Variants in NCK2 observed in about 807,000 individuals in gnomAD.
NCK2 encodes NCK adaptor protein 2.
A neutral mutation model predicts 33.9 loss-of-function variants in NCK2; 16 were observed. The observed-to-expected ratio is 0.47, with a 90% CI of 0.32 to 0.72. The LOEUF (loss-of-function observed/expected upper bound fraction) is 0.72, where lower values mean the gene tolerates loss of function less well. NCK2 is among the 30% of genes least tolerant of loss of function. The pLI is 0.03. For synonymous variants in NCK2, 273 were observed against 239.9 expected (o/e 1.14, Z -1.27); for missense variants, 418 against 537.3 (o/e 0.78, Z 2.19).
chr2:105,798,503 G>GACTAA (rs1325978830), intron 1 of NCK2, among the ~76,000 whole-genome samples: 2 of 152,200 alleles, frequency 1.3e-5, no homozygotes, highest in African/African-American at 4.8e-5. Flanking sequence ...GTCTGGTTTA[G>GACTAA]AGAGAAGAAA....
intron 2 of NCK2, among the ~76,000 whole-genome samples, chr2:105,849,431 G>T (rs1676976593): frequency 6.6e-6 from 1 of 152,340 alleles, no homozygotes; most frequent in Middle Eastern, 3.4e-3. Context: ...GGTCTTCTCT[G>T]TGGCGGGATA....
chr2:105,861,487 G>A (rs1677528548), intron 3 of NCK2, among the ~76,000 whole-genome samples: 1 of 151,378 alleles, frequency 6.6e-6, no homozygotes, highest in African/African-American at 2.4e-5. Context: ...AGTGATAGTG[G>A]CTATTGGTGC....
At chr2:105,793,455 G>C (rs554324481) in intron 1 of NCK2, among the ~76,000 whole-genome samples, 2 of 152,284 alleles carry the variant, frequency 1.3e-5, no homozygotes, top group South Asian at 2.1e-4. Flanking sequence ...TTCTGACCTC[G>C]GGCATCCTGT....
chr2:105,817,176 A>AAC (rs2104485007), intron 2 of NCK2, among the ~76,000 whole-genome samples: 1 of 896 alleles, frequency 1.1e-3, no homozygotes, highest in Admixed American at 0.031. Context: ...ACTTGGTCTC[A>AAC]AAAAAAAAAA....
In NCK2 at chr2:105,890,015, C is replaced by T. The variant is rs139383081; in HGVS notation, c.949-2967C>T. 7.0e-4 allele frequency among the ~76,000 whole-genome samples: 107 copies of T among 152,260 alleles called. 1 individual carries two copies. In the Middle Eastern group the frequency reaches 0.02, roughly 29 times the overall value. ...AGAGGTGTTCAGTGGTCATATGTAA[C>T]GGTGTATGTTAGTATACAGATTGTT... On this transcript the variant is annotated intron_variant, in intron 4 of 4. Transcript: ENST00000233154.
chr2:105,835,402 T>TATATATATAC (rs1278239028), intron 2 of NCK2, among the ~76,000 whole-genome samples: 13 of 73,094 alleles, frequency 1.8e-4, no homozygotes, highest in Non-Finnish European at 3.6e-4. Context: ...TATATATATA[T>TATATATATAC]ATACGTGTAT....
chr2:105,817,242 C>T (rs887759111), intron 2 of NCK2, among the ~76,000 whole-genome samples: 1 of 151,468 alleles, frequency 6.6e-6, no homozygotes, highest in African/African-American at 2.4e-5. Flanking sequence ...AAGGTTTTAC[C>T]TGTTCATATG....
Position 105,787,064 on chromosome 2 carries a change from G to C in NCK2, c.-200-29366G>C, listed in dbSNP as rs1255848891. Reference sequence around the variant, plus strand: ...TTCTGCCCTTTGCTGCGACTCCTCTGCTGTCTTGCTCTGCCCGCTGCAGGC... The same window carrying C: ...TTCTGCCCTTTGCTGCGACTCCTCTCCTGTCTTGCTCTGCCCGCTGCAGGC... On this transcript the variant is annotated intron_variant, in intron 1 of 4. Coordinates refer to ENST00000233154, the MANE Select transcript of NCK2 (RefSeq NM_003581.5). Among the ~76,000 whole-genome samples the C allele has an allele frequency of 2.0e-5, 3 of 152,226 alleles. No homozygotes were observed. The East Asian group carries it at 5.8e-4, about 29-fold the overall frequency.
chr2:105,849,715 A>C (rs755987478), intron 2 of NCK2, among the ~76,000 whole-genome samples: 5 of 152,144 alleles, frequency 3.3e-5, no homozygotes, highest in Non-Finnish European at 5.9e-5. Context: ...ACTGGCTTGA[A>C]TCACAGAAGA....
At chr2:105,780,018 C>A (rs1018911166) in intron 1 of NCK2, among the ~76,000 whole-genome samples, 2 of 152,168 alleles carry the variant, frequency 1.3e-5, no homozygotes, top group African/African-American at 4.8e-5. Context: ...CAATTCTACT[C>A]TTTTCATAAA....
At chr2:105,871,113 T>G (rs1573230209) in intron 3 of NCK2, among the ~76,000 whole-genome samples, 1 of 151,488 alleles carries the variant, frequency 6.6e-6, no homozygotes, top group Admixed American at 6.6e-5. Context: ...GAAATCGGGG[T>G]GATGAGACAG....
Position 105,891,582 on chromosome 2 carries a change from CTT to C in NCK2, c.949-1399_949-1398del, listed in dbSNP as rs1272780926. Among the ~76,000 whole-genome samples, 2 of 78,056 alleles carry C rather than the reference CTT, an allele frequency of 2.6e-5. 1 individual carries two copies. Among genetic ancestry groups the C allele is most frequent in the Admixed American group, 4.2e-4 (2 of 4,812 alleles). The allele number at this position is 78,056 out of a possible 152,430, so 51.2% of individuals were successfully genotyped here. Reference sequence around the variant, plus strand: ...TTTTTTTTTTTTGAGATTTTTCGCTCTTGTTGCCCAGACCAGAGTGCAGTGGC... The same window carrying C: ...TTTTTTTTTTTTGAGATTTTTCGCTCGTTGCCCAGACCAGAGTGCAGTGGC... On this transcript the variant is annotated intron_variant, in intron 4 of 4. Transcript: ENST00000233154.
rs569250884 is a variant in NCK2 at position 105,881,448 on chromosome 2, C to T, written c.347C>T (p.Ala116Val). ...ADRIYDLNIP[A>V]FVKFAYVAER... is the part of the protein sequence containing the mutation. Reference sequence around the variant, plus strand: ...CGCATCTACGACCTCAACATCCCGGCCTTCGTCAAGTTCGCCTATGTGGCC... The same window carrying T: ...CGCATCTACGACCTCAACATCCCGGTCTTCGTCAAGTTCGCCTATGTGGCC... Residue 116 changes from alanine to valine, a missense_variant, in exon 4 of 5, where the codon GCC becomes GTC. Physicochemically the swap from Ala to Val is moderately conservative, Grantham distance 64. Coordinates refer to ENST00000233154, the MANE Select transcript of NCK2 (RefSeq NM_003581.5). The T allele has an allele frequency of 1.2e-5, 20 of 1,613,586 alleles. No homozygotes were observed. Among genetic ancestry groups the T allele is most frequent in the Non-Finnish European group, 1.6e-5 (19 of 1,180,000 alleles).
At chr2:105,855,541 G>C (rs369245379) in intron 3 of NCK2, 2 of 362,936 alleles carry the variant, frequency 5.5e-6, no homozygotes, top group Non-Finnish European at 1.0e-5. Context: ...CCCTGCACAG[G>C]TATCTCCTTG....
chr2:105,768,964 C>T (rs1690037048), intron 1 of NCK2, among the ~76,000 whole-genome samples: 1 of 152,194 alleles, frequency 6.6e-6, no homozygotes, highest in Non-Finnish European at 1.5e-5. Context: ...TCTCCTGGCC[C>T]CCCACCCCTC....
chr2:105,870,492 C>T (rs754838854), intron 3 of NCK2, among the ~76,000 whole-genome samples: 12 of 152,170 alleles, frequency 7.9e-5, no homozygotes, highest in Non-Finnish European at 1.0e-4. Flanking sequence ...CAGTGGCTCA[C>T]ACCTGTAATT....
At chr2:105,827,555 AT>A (rs1558857752) in intron 2 of NCK2, among the ~76,000 whole-genome samples, 3 of 152,240 alleles carry the variant, frequency 2.0e-5, no homozygotes, top group African/African-American at 7.2e-5. Context: ...CAGGATACAC[AT>A]TCTTTTTAGG....
intron 3 of NCK2, among the ~76,000 whole-genome samples, chr2:105,875,509 G>A (rs1170433837): frequency 6.6e-6 from 1 of 152,188 alleles, no homozygotes; most frequent in Non-Finnish European, 1.5e-5. Context: ...CCATTCATAT[G>A]TTGAAATCCT....
intron 1 of NCK2, among the ~76,000 whole-genome samples, chr2:105,771,510 A>G (rs906485050): frequency 6.6e-6 from 1 of 152,154 alleles, no homozygotes; most frequent in African/African-American, 2.4e-5. Flanking sequence ...TGTTGCAGTA[A>G]GCCGAGATTG....
Sources: gnomAD v4.1 joint callset for allele counts (sites outside exome capture counted in the v4.1 genomes callset) on GRCh38, gnomAD v4.1.1 for gene constraint, MANE v1.5 for transcripts, NCBI Gene and HGNC (gene_info 2026-07-23, HGNC 2026-07-21) for gene names.